MRPL48: variants seen among roughly 807,000 people sequenced by gnomAD.
The protein encoded by MRPL48 is mitochondrial ribosomal protein L48, also known as large ribosomal subunit protein mL48.
MRPL48 carries 16 observed loss-of-function variants against 32.9 expected under a neutral mutation model. The ratio of observed to expected loss-of-function variants is 0.49; its 90% CI spans 0.33 to 0.74. The LOEUF is 0.74. Ranked by LOEUF, MRPL48 falls within the 30% of genes least tolerant of loss-of-function variation. MRPL48 has a pLI of 0.02. For synonymous variants in MRPL48, 94 were observed against 89.2 expected (o/e 1.05, Z -0.31); for missense variants, 206 against 245.3 (o/e 0.84, Z 1.07).
At chr11:73,815,539 C>T (rs1005866012) in intron 3 of MRPL48, among the ~76,000 whole-genome samples, 2 of 151,790 alleles carry the variant, frequency 1.3e-5, no homozygotes, top group African/African-American at 4.8e-5. Flanking sequence ...CTTTGCTGCC[C>T]GGACTTTGAT....
At chr11:73,801,418 CTG>C (rs202204880) in intron 1 of MRPL48, among the ~76,000 whole-genome samples, 1,572 of 152,260 alleles carry the variant, frequency 0.01, 27 homozygotes, top group African/African-American at 0.036. Flanking sequence ...GTTTCCTACT[CTG>C]TCTTTTATGC....
intron 5 of MRPL48, chr11:73,851,252 T>A: frequency 3.2e-6 from 1 of 316,574 alleles, no homozygotes. Flanking sequence ...TAGATATTAG[T>A]ATATTCCCAT....
chr11:73,788,102 A>G, intron 1 of MRPL48, 110 bp downstream of exon 1: 1 of 1,448,698 alleles, frequency 6.9e-7, no homozygotes, highest in Non-Finnish European at 9.3e-7. Context: ...ACATCCGGGG[A>G]TGAGACACTG....
chr11:73,798,025 A>T (rs1047657240), intron 1 of MRPL48, among the ~76,000 whole-genome samples: 2 of 152,174 alleles, frequency 1.3e-5, no homozygotes, highest in African/African-American at 4.8e-5. Context: ...GACTTTGATA[A>T]TCAACATAAA....
intron 3 of MRPL48, among the ~76,000 whole-genome samples, chr11:73,809,168 AT>A (rs1250860572): frequency 6.6e-6 from 1 of 151,996 alleles, no homozygotes; most frequent in African/African-American, 2.4e-5. Flanking sequence ...AAAGAGGATA[AT>A]TGTAATACAA....
intron 4 of MRPL48, among the ~76,000 whole-genome samples, chr11:73,833,031 A>G (rs758322438): frequency 4.4e-4 from 67 of 152,190 alleles, no homozygotes; most frequent in Non-Finnish European, 7.6e-4. Context: ...AAGATAAGCA[A>G]TTCCTTCACG....
intron 5 of MRPL48, among the ~76,000 whole-genome samples, chr11:73,858,356 GTAT>G (rs1218731342): frequency 6.6e-6 from 1 of 152,168 alleles, no homozygotes; most frequent in Non-Finnish European, 1.5e-5. Context: ...TGTGAATTAG[GTAT>G]TATTATTTTC....
At chr11:73,825,474 A>C (rs2135010824) in intron 3 of MRPL48, among the ~76,000 whole-genome samples, 1 of 152,032 alleles carries the variant, frequency 6.6e-6, no homozygotes, top group East Asian at 1.9e-4. Context: ...AAAAAATAAA[A>C]GACATTAGCT....
intron 4 of MRPL48, among the ~76,000 whole-genome samples, chr11:73,837,385 G>C (rs1948122114): frequency 6.6e-6 from 1 of 152,050 alleles, no homozygotes; most frequent in Non-Finnish European, 1.5e-5. Flanking sequence ...CTTCCCCCTT[G>C]TGTAGAATTA....
chr11:73,844,488 T>C (rs959810417), intron 4 of MRPL48, among the ~76,000 whole-genome samples: 4 of 152,092 alleles, frequency 2.6e-5, no homozygotes, highest in Admixed American at 6.6e-5. Context: ...AATTGAGTAA[T>C]AGAAGGCCAG....
At chr11:73,859,803 G>A (rs117270534) in intron 5 of MRPL48, 104 bp from the exon 6 acceptor site, 24 of 883,810 alleles carry the variant, frequency 2.7e-5, no homozygotes, top group South Asian at 1.0e-4. Context: ...CCTACATTCC[G>A]GGAACTATTG....
chr11:73,839,586 A>G (rs1237721124), intron 4 of MRPL48, among the ~76,000 whole-genome samples: 1 of 152,192 alleles, frequency 6.6e-6, no homozygotes, highest in Non-Finnish European at 1.5e-5. Context: ...GTGAAAACAA[A>G]AAATGACTCT....
intron 1 of MRPL48, among the ~76,000 whole-genome samples, chr11:73,794,899 C>A (rs1199278007): frequency 6.7e-6 from 1 of 148,470 alleles, no homozygotes; most frequent in Non-Finnish European, 1.5e-5. Context: ...CATGCACCAC[C>A]ATGCCCAGCT....
At chr11:73,825,136 CATTT>C (rs1332451094) in intron 3 of MRPL48, among the ~76,000 whole-genome samples, 4 of 151,932 alleles carry the variant, frequency 2.6e-5, no homozygotes, top group Admixed American at 1.3e-4. Context: ...TCCTTAACTT[CATTT>C]ATTTATTTAT....
At chr11:73,834,377 T>A (rs1948050823) in intron 4 of MRPL48, among the ~76,000 whole-genome samples, 1 of 152,194 alleles carries the variant, frequency 6.6e-6, no homozygotes, top group East Asian at 1.9e-4. Context: ...TCATATTACT[T>A]CTATCTCATG....
At chr11:73,861,015 C>A (rs561029770) in intron 6 of MRPL48, among the ~76,000 whole-genome samples, 17 of 152,262 alleles carry the variant, frequency 1.1e-4, no homozygotes, top group African/African-American at 4.1e-4. Context: ...AGGTTCATCT[C>A]TGTTGTATTG....
intron 1 of MRPL48, among the ~76,000 whole-genome samples, chr11:73,793,139 CA>C (rs1454808766): frequency 6.6e-6 from 1 of 152,144 alleles, no homozygotes; most frequent in East Asian, 1.9e-4. Flanking sequence ...GATCTCAGCT[CA>C]CTACAACCTC....
intron 5 of MRPL48, among the ~76,000 whole-genome samples, chr11:73,852,994 C>CA (rs1287582059): frequency 6.6e-6 from 1 of 151,922 alleles, no homozygotes; most frequent in African/African-American, 2.4e-5. Flanking sequence ...AAGCCAGGCA[C>CA]AAAAAAGACA....
intron 3 of MRPL48, among the ~76,000 whole-genome samples, chr11:73,812,352 G>A (rs896663770): frequency 6.6e-6 from 1 of 151,782 alleles, no homozygotes; most frequent in African/African-American, 2.4e-5. Flanking sequence ...TTCAAAAAAT[G>A]GTACACCAGC....
Sources: gnomAD v4.1 joint callset for allele counts (sites outside exome capture counted in the v4.1 genomes callset) on GRCh38, gnomAD v4.1.1 for gene constraint, MANE v1.5 for transcripts, NCBI Gene and HGNC (gene_info 2026-07-23, HGNC 2026-07-21) for gene names.